Variants in ADGRL2 observed in about 807,000 individuals in gnomAD.
The protein encoded by ADGRL2 is adhesion G protein-coupled receptor L2.
Under a neutral mutation model 157.4 loss-of-function variants are expected in ADGRL2, and 44 were observed. That is an observed-to-expected ratio of 0.28 (90% CI 0.22 to 0.36). ADGRL2 has a LOEUF of 0.36. ADGRL2 is among the 10% of genes least tolerant of loss of function. ADGRL2 has a pLI of 1.00. For missense variants in ADGRL2, 1,510 were observed against 1,768.9 expected, an observed-to-expected ratio of 0.85 and a Z score of 2.63; for synonymous variants, 585 against 624.7, an observed-to-expected ratio of 0.94 and a Z score of 0.95.
At chr1:81,366,007 G>A (rs2076060194) in intron 1 of ADGRL2, among the ~76,000 whole-genome samples, 2 of 152,120 alleles carry the variant, frequency 1.3e-5, no homozygotes, top group South Asian at 4.1e-4. Context: ...TCCATTCTTT[G>A]CTAGTCCAGT....
At chr1:81,909,984 A>G (rs1274152002) in intron 3 of ADGRL2, among the ~76,000 whole-genome samples, 1 of 152,096 alleles carries the variant, frequency 6.6e-6, no homozygotes. Flanking sequence ...TCACGTCTGT[A>G]ATCCCAGCAC....
intron 3 of ADGRL2, among the ~76,000 whole-genome samples, chr1:81,650,352 A>G (rs1331904238): frequency 2.0e-5 from 3 of 152,050 alleles, no homozygotes; most frequent in Non-Finnish European, 4.4e-5. Flanking sequence ...CAGGAGGATC[A>G]CAAGGTCAAG....
chr1:81,666,542 A>T (rs1010053173), intron 3 of ADGRL2, among the ~76,000 whole-genome samples: 1 of 152,170 alleles, frequency 6.6e-6, no homozygotes, highest in African/African-American at 2.4e-5. Context: ...GCCCGCAGGC[A>T]TCTCTGTACT....
chr1:81,815,511 A>G (rs187742984), intron 1 of ADGRL2, among the ~76,000 whole-genome samples: 1 of 151,996 alleles, frequency 6.6e-6, no homozygotes, highest in Admixed American at 6.6e-5. Flanking sequence ...ACAGTAAGGT[A>G]TTCAAGAATA....
At chr1:81,596,333 G>C in intron 3 of ADGRL2, 1 of 543,852 alleles carries the variant, frequency 1.8e-6, no homozygotes, top group Non-Finnish European at 3.6e-6. Flanking sequence ...TCAAACTCTT[G>C]GTAGGCATTC....
intron 1 of ADGRL2, among the ~76,000 whole-genome samples, chr1:81,810,910 G>C (rs1289887482): frequency 6.6e-6 from 1 of 151,774 alleles, no homozygotes; most frequent in Non-Finnish European, 1.5e-5. Context: ...GCGCTTTTCA[G>C]AGTTCTCTCT....
At chr1:81,978,425 AT>A (rs1018917086) in intron 17 of ADGRL2, among the ~76,000 whole-genome samples, 5 of 151,674 alleles carry the variant, frequency 3.3e-5, no homozygotes, top group African/African-American at 1.2e-4. Context: ...ACATTATTAA[AT>A]TTTTTTTAAA....
At chr1:81,821,598 CTG>C (rs1233970529) in intron 1 of ADGRL2, among the ~76,000 whole-genome samples, 2 of 152,046 alleles carry the variant, frequency 1.3e-5, no homozygotes, top group African/African-American at 4.8e-5. Flanking sequence ...TTATATGAAA[CTG>C]AATAATATCT....
chr1:81,794,571 A>G lies in ADGRL2; in HGVS notation c.-101+32719A>G, dbSNP rs562717480. ...AATTTTTCATTAAATATTACTTAAC[A>G]AAACCTTATCATTACTGAATCCTTT... On this transcript the variant is annotated intron_variant, in intron 2 of 20. Coordinates refer to the ADGRL2 transcript ENST00000359929. Among the ~76,000 whole-genome samples, 207 of 152,344 alleles carry G rather than the reference A, an allele frequency of 1.4e-3. 2 individuals are homozygous for G. In the Middle Eastern group the frequency reaches 0.017, roughly 13 times the overall value.
At chr1:81,804,054 T>C (rs2088738663) in intron 1 of ADGRL2, among the ~76,000 whole-genome samples, 2 of 152,140 alleles carry the variant, frequency 1.3e-5, no homozygotes. Context: ...AGCAGAAAAA[T>C]AGAATAGTTT....
intron 2 of ADGRL2, among the ~76,000 whole-genome samples, chr1:81,536,271 C>T (rs2079734790): frequency 6.6e-6 from 1 of 151,998 alleles, no homozygotes; most frequent in Non-Finnish European, 1.5e-5. Flanking sequence ...TGTAGTCTCT[C>T]TTCACTTACT....
chr1:81,528,473 C>T (rs1043058222), intron 2 of ADGRL2, among the ~76,000 whole-genome samples: 1 of 151,910 alleles, frequency 6.6e-6, no homozygotes, highest in Non-Finnish European at 1.5e-5. Context: ...CGGTGAAACC[C>T]CGTCTCTACC....
chr1:81,481,453 G>T (rs2078385042), intron 2 of ADGRL2, among the ~76,000 whole-genome samples: 1 of 152,182 alleles, frequency 6.6e-6, no homozygotes, highest in South Asian at 2.1e-4. Context: ...TTGTAAGATT[G>T]CAGGGATGAG....
chr1:81,904,432 C>G (rs2094547771), intron 2 of ADGRL2, among the ~76,000 whole-genome samples: 1 of 152,120 alleles, frequency 6.6e-6, no homozygotes, highest in Non-Finnish European at 1.5e-5. Flanking sequence ...GGAAAATACT[C>G]AGACTGGGTA....
chr1:81,801,904 G>A (rs1264766843), intron 1 of ADGRL2, among the ~76,000 whole-genome samples: 2 of 152,128 alleles, frequency 1.3e-5, no homozygotes, highest in African/African-American at 2.4e-5. Flanking sequence ...CGTGCGGTCT[G>A]GGGGTGTGTG....
chr1:81,698,377 T>C (rs2083487783), upstream of ADGRL2, among the ~76,000 whole-genome samples: 3 of 152,216 alleles, frequency 2.0e-5, no homozygotes, highest in Admixed American at 2.0e-4. Context: ...CCTTCAAGAG[T>C]TTGTAGGTTA....
intron 2 of ADGRL2, among the ~76,000 whole-genome samples, chr1:81,568,469 C>T (rs150824931): frequency 2.0e-5 from 3 of 152,214 alleles, no homozygotes; most frequent in African/African-American, 7.2e-5. Flanking sequence ...ACATAAATCA[C>T]TGGATTAAAC....
intron 1 of ADGRL2, among the ~76,000 whole-genome samples, chr1:81,414,689 A>ACGTT (rs2077004427): frequency 6.6e-6 from 1 of 152,172 alleles, no homozygotes; most frequent in African/African-American, 2.4e-5. Flanking sequence ...AATGTCTTGG[A>ACGTT]CGTTCATCAG....
chr1:81,306,480 A>C (rs1659343576), exon 1 of ADGRL2: 1 of 152,030 alleles, frequency 6.6e-6, no homozygotes, highest in Non-Finnish European at 1.5e-5. Context: ...TTTTTTTATA[A>C]AGGAACTTAC....
Sources: gnomAD v4.1 joint callset for allele counts (sites outside exome capture counted in the v4.1 genomes callset) on GRCh38, gnomAD v4.1.1 for gene constraint, MANE v1.5 for transcripts, NCBI Gene and HGNC (gene_info 2026-07-23, HGNC 2026-07-21) for gene names.